CDKN2B-AS1: variants seen among roughly 807,000 people sequenced by gnomAD.
CDKN2B-AS1 encodes the protein CDKN2B antisense RNA 1 (non-protein coding).
intron 4 of CDKN2B-AS1, among the ~76,000 whole-genome samples, chr9:22,104,256 A>G (rs72652486): frequency 7.9e-4 from 120 of 152,330 alleles, no homozygotes; most frequent in Non-Finnish European, 1.5e-3. Flanking sequence ...ACTGGATTTT[A>G]CTTGGCAAGG....
At chr9:22,012,853 T>C (rs898603108) in intron 1 of CDKN2B-AS1, among the ~76,000 whole-genome samples, 2 of 152,208 alleles carry the variant, frequency 1.3e-5, no homozygotes, top group African/African-American at 4.8e-5. Flanking sequence ...TATTGCTCCG[T>C]GATCCACAGT....
intron 1 of CDKN2B-AS1, chr9:22,030,979 G>C (rs1025809524): frequency 2.6e-5 from 4 of 152,096 alleles, no homozygotes; most frequent in Admixed American, 6.5e-5. Flanking sequence ...TGGTAACAAT[G>C]AATATGTTTG....
intron 1 of CDKN2B-AS1, among the ~76,000 whole-genome samples, chr9:22,027,869 G>A (rs1039525532): frequency 6.6e-5 from 10 of 152,042 alleles, no homozygotes; most frequent in Admixed American, 5.9e-4. Context: ...AAAGAAATGT[G>A]AAGGAATAAT....
rs1820708390 is a variant in CDKN2B-AS1, at chr9:21,996,768, CT to C, written n.29+1608del. Among the ~76,000 whole-genome samples, 1 of 152,148 alleles carries C rather than the reference CT, an allele frequency of 6.6e-6. No individual in the cohort carries two copies. Among genetic ancestry groups the C allele is most frequent in the African/African-American group, 2.4e-5 (1 of 41,418 alleles). On this transcript the variant is annotated intron_variant and non_coding_transcript_variant, in intron 1 of 4. Coordinates refer to ENST00000650946, the Ensembl canonical transcript of CDKN2B-AS1. This position sits in a 1 kb window ranked among gnomAD's most constrained non-coding sequence, Gnocchi z 5.4. ...GCGCTTTAGAAAGGGTTAGTTCATC[CT>C]GGAAGAAAAACGATGTCGGATGCCA...
intron 4 of CDKN2B-AS1, chr9:22,063,919 A>T (rs533871634): frequency 6.6e-6 from 1 of 152,136 alleles, no homozygotes; most frequent in Non-Finnish European, 1.5e-5. Context: ...AAAGCTCAGG[A>T]TGTATTTTTT....
intron 4 of CDKN2B-AS1, among the ~76,000 whole-genome samples, chr9:22,090,152 T>G (rs1490414232): frequency 6.6e-6 from 1 of 152,146 alleles, no homozygotes; most frequent in Non-Finnish European, 1.5e-5. Flanking sequence ...ACAAAGGACA[T>G]GAACTCATCC....
intron 4 of CDKN2B-AS1, among the ~76,000 whole-genome samples, chr9:22,083,470 G>T (rs879607672): frequency 1.3e-5 from 2 of 152,184 alleles, no homozygotes; most frequent in Admixed American, 6.5e-5. Flanking sequence ...TACAACAGTG[G>T]CTCCCAAATC....
chr9:22,110,921 G>A (rs1448956202), intron 4 of CDKN2B-AS1, among the ~76,000 whole-genome samples: 4 of 152,008 alleles, frequency 2.6e-5, no homozygotes, highest in Non-Finnish European at 5.9e-5. Flanking sequence ...TGATGTAAAT[G>A]TAATCCTATA....
intron 4 of CDKN2B-AS1, among the ~76,000 whole-genome samples, chr9:22,122,494 C>T (rs963291789): frequency 1.3e-5 from 2 of 152,016 alleles, no homozygotes; most frequent in Admixed American, 1.3e-4. Flanking sequence ...TGAAGCATTT[C>T]TTCTATGTTT....
In CDKN2B-AS1 at chr9:21,996,745, G is replaced by A. The variant is rs1235346034; in HGVS notation, n.29+1584G>A. On this transcript the variant is annotated intron_variant and non_coding_transcript_variant, in intron 1 of 4. Transcript: ENST00000650946. The surrounding 1 kb of genome is among the most constrained non-coding windows in gnomAD (Gnocchi z 5.4). ...GTTTTCTGTCCCACAGAGGAAGGGCGCTTTAGAAAGGGTTAGTTCATCCTG... is the reference window on the plus strand; with the variant it reads ...GTTTTCTGTCCCACAGAGGAAGGGCACTTTAGAAAGGGTTAGTTCATCCTG... Among the ~76,000 whole-genome samples, 1 of 152,166 alleles carries A rather than the reference G, an allele frequency of 6.6e-6. No individual in the cohort carries two copies. The highest frequency in any genetic ancestry group is 1.5e-5 in the Non-Finnish European group (1 of 68,028).
chr9:22,091,958 T>G (rs1362733900), intron 4 of CDKN2B-AS1, among the ~76,000 whole-genome samples: 1 of 152,206 alleles, frequency 6.6e-6, no homozygotes, highest in Non-Finnish European at 1.5e-5. Context: ...TGGCTGTGGT[T>G]TTGTTATAGA....
At chr9:22,089,002 A>C (rs998396096) in intron 4 of CDKN2B-AS1, among the ~76,000 whole-genome samples, 4 of 152,202 alleles carry the variant, frequency 2.6e-5, no homozygotes, top group Non-Finnish European at 5.9e-5. Flanking sequence ...GAGAAACCCA[A>C]AGACTTGGCA....
chr9:22,017,153 G>T (rs540678890), intron 1 of CDKN2B-AS1, among the ~76,000 whole-genome samples: 5 of 152,096 alleles, frequency 3.3e-5, no homozygotes, highest in African/African-American at 1.2e-4. Flanking sequence ...TTGGCGAGGC[G>T]CAGTGGCTCA....
At chr9:22,072,534 T>C (rs146595631) in intron 4 of CDKN2B-AS1, among the ~76,000 whole-genome samples, 181 of 152,354 alleles carry the variant, frequency 1.2e-3, no homozygotes, top group African/African-American at 4.2e-3. Flanking sequence ...TATCTAAGCC[T>C]TAGTTAGTTT....
At chr9:22,002,821 A>G (rs111915801) in intron 1 of CDKN2B-AS1, 1 of 173,176 alleles carries the variant, frequency 5.8e-6, no homozygotes, top group Non-Finnish European at 1.3e-5. Flanking sequence ...TTTTACATAG[A>G]TTTTGCTTTA....
At chr9:22,127,762 T>A (rs1163485267) in exon 5 of CDKN2B-AS1, among the ~76,000 whole-genome samples, 1 of 152,204 alleles carries the variant, frequency 6.6e-6, no homozygotes, top group Non-Finnish European at 1.5e-5. Flanking sequence ...TGATGAGATG[T>A]TGAACCATGA....
intron 4 of CDKN2B-AS1, among the ~76,000 whole-genome samples, chr9:22,081,632 A>G (rs964369052): frequency 1.3e-5 from 2 of 152,216 alleles, no homozygotes; most frequent in Non-Finnish European, 2.9e-5. Flanking sequence ...CAGGCCCATG[A>G]TCAGTGAGCT....
intron 1 of CDKN2B-AS1, among the ~76,000 whole-genome samples, chr9:22,008,160 C>G (rs1821287736): frequency 6.6e-6 from 1 of 152,120 alleles, no homozygotes; most frequent in Admixed American, 6.5e-5. Flanking sequence ...CAAAAAGGAC[C>G]TAACAGTTGC....
chr9:22,074,118 C>T (rs1824404506), intron 4 of CDKN2B-AS1, among the ~76,000 whole-genome samples: 1 of 152,064 alleles, frequency 6.6e-6, no homozygotes, highest in South Asian at 2.1e-4. Context: ...TCATCTTGGC[C>T]TCCCAAATGA....
Sources: allele counts gnomAD v4.1 joint callset (sites outside exome capture counted in the v4.1 genomes callset), GRCh38; gene constraint gnomAD v4.1.1; non-coding constraint Gnocchi (gnomAD v3.1); transcripts MANE v1.5; gene names NCBI Gene and HGNC (gene_info 2026-07-23, HGNC 2026-07-21).